Variants in SYNE1 observed in about 807,000 individuals in gnomAD.
SYNE1 encodes the protein spectrin repeat containing nuclear envelope protein 1.
In SYNE1, 616 loss-of-function variants were observed where a neutral mutation model predicts 1,111.0. The observed-to-expected ratio is 0.55, with a 90% CI of 0.52 to 0.59. The LOEUF (loss-of-function observed/expected upper bound fraction) is 0.59, where lower values mean the gene tolerates loss of function less well. Among genes scored for constraint, SYNE1 ranks in the 20% least tolerant of loss-of-function variants. SYNE1 has a pLI of 0.00. For synonymous variants in SYNE1, 3,855 were observed against 3,825.8 expected, an observed-to-expected ratio of 1.01 and a Z score of -0.28; for missense variants, 10,006 against 10,417.0, an observed-to-expected ratio of 0.96 and a Z score of 1.72.
At chr6:152,141,095 A>G in intron 139 of SYNE1, 108 bp downstream of exon 139, 1 of 1,457,008 alleles carries the variant, frequency 6.9e-7, no homozygotes, top group South Asian at 1.1e-5. Context: ...TTCTCAGGAT[A>G]GAACGGTGTA....
intron 22 of SYNE1, among the ~76,000 whole-genome samples, chr6:152,457,383 T>C (rs2154259984): frequency 6.6e-6 from 1 of 152,346 alleles, no homozygotes; most frequent in East Asian, 1.9e-4. Context: ...CGGCTCTTTC[T>C]ACTAATGATG....
chr6:152,532,350 G>C (rs181994956), intron 4 of SYNE1, among the ~76,000 whole-genome samples: 1 of 152,064 alleles, frequency 6.6e-6, no homozygotes, highest in East Asian at 1.9e-4. Context: ...TCTAGTAAAT[G>C]GTTTTTACTT....
intron 121 of SYNE1, among the ~76,000 whole-genome samples, chr6:152,216,831 G>A (rs545792496): frequency 3.3e-5 from 5 of 152,030 alleles, no homozygotes; most frequent in South Asian, 2.1e-4. Flanking sequence ...CAAGGAGGGC[G>A]GATCACAAGG....
chr6:152,136,821 G>GAAAAGAACAAA lies in SYNE1; in HGVS notation c.25459-14_25459-4dup. 6.2e-7 allele frequency: 1 copy of GAAAAGAACAAA among 1,614,030 alleles called. No homozygotes were observed. On this transcript the variant is annotated splice_polypyrimidine_tract_variant and splice_region_variant and intron_variant, in intron 140 of 145. Coordinates refer to ENST00000367255, the MANE Select transcript of SYNE1 (RefSeq NM_182961.4). ...TGGTCCACAGCTTTCTGGAGCTCCT[G>GAAAAGAACAAA]AAAAGAACAAAAAAGACAATCAAAC...
intron 127 of SYNE1, among the ~76,000 whole-genome samples, chr6:152,199,510 A>G (rs1005074046): frequency 2.0e-5 from 3 of 152,222 alleles, no homozygotes; most frequent in African/African-American, 7.2e-5. Context: ...CTTTTAGGGG[A>G]ATGATTTAAG....
intron 114 of SYNE1, 92 bp downstream of exon 114, chr6:152,231,299 C>A: frequency 7.2e-7 from 1 of 1,393,146 alleles, no homozygotes; most frequent in Non-Finnish European, 1.0e-6. Context: ...CCCAGTATAG[C>A]CACGCTACTT....
intron 97 of SYNE1, 49 bp from the exon 98 acceptor site, chr6:152,278,329 G>A (rs767291424): frequency 3.8e-6 from 6 of 1,598,312 alleles, no homozygotes; most frequent in Non-Finnish European, 4.3e-6. Flanking sequence ...CCCAGCCTCT[G>A]CAAAGACTGT....
intron 140 of SYNE1, among the ~76,000 whole-genome samples, chr6:152,137,365 C>A (rs2057329347): frequency 6.6e-6 from 1 of 152,082 alleles, no homozygotes; most frequent in Non-Finnish European, 1.5e-5. Context: ...AAAAATGAAG[C>A]AAAGAAAACA....
Position 152,164,295 on chromosome 6 carries a change from G to A in SYNE1, c.23658C>T (p.Ala7886=), listed in dbSNP as rs376968103. ...TCATGTTCTTATCAAGCTGCTGCAC[G>A]GCTACCAGGGTCTCCTTCAGCTTCT... ...RVKKLKETLV[A]VQQLDKNMSS... Residue 7886 remains alanine, a synonymous_variant, in exon 131 of 146, where the codon GCC becomes GCT. Transcript: ENST00000367255. The A allele has an allele frequency of 5.6e-6, 9 of 1,614,108 alleles. No individual in the cohort carries two copies. The highest frequency in any genetic ancestry group is 1.7e-4 in the Middle Eastern group (1 of 6,054).
intron 3 of SYNE1, among the ~76,000 whole-genome samples, chr6:152,617,252 A>G (rs1321750766): frequency 1.3e-5 from 2 of 152,234 alleles, no homozygotes; most frequent in African/African-American, 4.8e-5. Context: ...GTTTTTGCAG[A>G]GTAAAAGATG....
intron 122 of SYNE1, 89 bp downstream of exon 122, chr6:152,214,817 T>C (rs915057973): frequency 2.1e-5 from 32 of 1,534,726 alleles, no homozygotes; most frequent in African/African-American, 2.7e-5. Flanking sequence ...CTGTTCTTTA[T>C]AAATTATGCA....
chr6:152,494,669 C>G (rs1244042090), intron 11 of SYNE1, among the ~76,000 whole-genome samples: 1 of 152,188 alleles, frequency 6.6e-6, no homozygotes, highest in African/African-American at 2.4e-5. Flanking sequence ...CCATATCCTG[C>G]ACCACCATGC....
chr6:152,618,239 T>A (rs2099666579), intron 3 of SYNE1, among the ~76,000 whole-genome samples: 1 of 152,180 alleles, frequency 6.6e-6, no homozygotes, highest in African/African-American at 2.4e-5. Context: ...ATGAAAATAA[T>A]CTGTGAGAAG....
chr6:152,562,521 T>A (rs554049861), intron 3 of SYNE1, among the ~76,000 whole-genome samples: 1 of 152,308 alleles, frequency 6.6e-6, no homozygotes, highest in East Asian at 1.9e-4. Context: ...AGAAGTACCA[T>A]ATGATCCAAT....
chr6:152,385,914 T>A (rs1563593783), intron 54 of SYNE1, 76 bp from the exon 55 acceptor site: 1 of 1,396,868 alleles, frequency 7.2e-7, no homozygotes, highest in African/African-American at 1.4e-5. Context: ...ACAGGCCTGA[T>A]AGAGGTCTCT....
intron 107 of SYNE1, among the ~76,000 whole-genome samples, 183 bp from the exon 108 acceptor site, chr6:152,239,889 T>C (rs2085160974): frequency 6.6e-6 from 1 of 152,068 alleles, no homozygotes; most frequent in Admixed American, 6.6e-5. Flanking sequence ...TGGAATCCGT[T>C]TCTACTAAAA....
At chr6:152,184,428 A>T (rs1323433595) in intron 128 of SYNE1, among the ~76,000 whole-genome samples, 1 of 119,794 alleles carries the variant, frequency 8.3e-6, no homozygotes, top group Non-Finnish European at 1.8e-5. Context: ...CAAGGGTGAA[A>T]CTCTGTTTCA....
At chr6:152,169,561 CAAAAAAAAA>C (rs371955068) in intron 130 of SYNE1, among the ~76,000 whole-genome samples, 11 of 18,100 alleles carry the variant, frequency 6.1e-4, no homozygotes, top group African/African-American at 2.8e-3. Flanking sequence ...GACTCCATCT[CAAAAAAAAA>C]AAAAAAAAAA....
At chr6:152,538,634 A>G (rs1414286851) in intron 4 of SYNE1, among the ~76,000 whole-genome samples, 1 of 151,918 alleles carries the variant, frequency 6.6e-6, no homozygotes, top group Non-Finnish European at 1.5e-5. Context: ...TTTTGAAAAA[A>G]AAAAACAAAA....
Sources: gnomAD v4.1 joint callset for allele counts (sites outside exome capture counted in the v4.1 genomes callset) on GRCh38, gnomAD v4.1.1 for gene constraint, MANE v1.5 for transcripts, NCBI Gene and HGNC (gene_info 2026-07-23, HGNC 2026-07-21) for gene names.